The following PRKCE variants were observed in gnomAD, a reference collection of about 807,000 sequenced individuals.
PRKCE encodes the protein protein kinase C epsilon, also known as protein kinase C epsilon type.
In PRKCE, 16 loss-of-function variants were observed where a neutral mutation model predicts 85.4. The observed-to-expected ratio is 0.19, with a 90% CI of 0.13 to 0.28. The LOEUF (loss-of-function observed/expected upper bound fraction) is 0.28, where lower values mean the gene tolerates loss of function less well. Ranked by LOEUF, PRKCE falls within the 10% of genes least tolerant of loss-of-function variation. The pLI is 1.00. For missense variants in PRKCE, 573 were observed against 975.2 expected, an observed-to-expected ratio of 0.59 and a Z score of 5.49; for synonymous variants, 388 against 371.5, an observed-to-expected ratio of 1.04 and a Z score of -0.51.
chr2:45,824,678 G>A (rs1205220951), intron 1 of PRKCE, among the ~76,000 whole-genome samples: 1 of 151,680 alleles, frequency 6.6e-6, no homozygotes, highest in Admixed American at 6.6e-5. Flanking sequence ...AAATAGAGCA[G>A]AATAATGGAC....
chr2:45,950,939 C>G (rs950226033), intron 2 of PRKCE, among the ~76,000 whole-genome samples: 18 of 152,172 alleles, frequency 1.2e-4, no homozygotes, highest in Admixed American at 1.2e-3. Context: ...TCTCTGCCCA[C>G]TTGGTGGCTC....
At chr2:45,838,906 A>T (rs1423014918) in intron 1 of PRKCE, among the ~76,000 whole-genome samples, 23 of 152,196 alleles carry the variant, frequency 1.5e-4, no homozygotes, top group Admixed American at 1.5e-3. Context: ...TAAGAAGCAG[A>T]AGACTTGCCT....
intron 1 of PRKCE, among the ~76,000 whole-genome samples, chr2:45,673,459 A>G (rs929134849): frequency 6.6e-6 from 1 of 152,310 alleles, no homozygotes; most frequent in East Asian, 1.9e-4. Context: ...TGATTGTTCA[A>G]CACACATTTA....
chr2:45,944,328 T>A (rs1185507971), intron 2 of PRKCE, among the ~76,000 whole-genome samples: 2 of 152,206 alleles, frequency 1.3e-5, no homozygotes, highest in Admixed American at 1.3e-4. Context: ...GCATTCCTTA[T>A]GCATGAGCTC....
chr2:45,874,927 T>C (rs543669332), intron 2 of PRKCE, among the ~76,000 whole-genome samples: 1 of 152,296 alleles, frequency 6.6e-6, no homozygotes, highest in Admixed American at 6.5e-5. Context: ...CTATTTGGCC[T>C]ACATTCCAAT....
intron 10 of PRKCE, among the ~76,000 whole-genome samples, chr2:46,061,827 T>TCTTTTCTTTTCTTTG: frequency 9.1e-6 from 1 of 109,788 alleles, no homozygotes; most frequent in Non-Finnish European, 1.8e-5. Context: ...GTTAAGTATT[T>TCTTTTCTTTTCTTTG]CTTTTCTTTT....
chr2:46,166,860 A>G (rs778582279), intron 14 of PRKCE: 1 of 152,180 alleles, frequency 6.6e-6, no homozygotes, highest in Non-Finnish European at 1.5e-5. Context: ...GCGTGGTGGC[A>G]TGCACTTGTA....
At chr2:46,167,254 C>T (rs2104628894) in intron 14 of PRKCE, among the ~76,000 whole-genome samples, 1 of 152,294 alleles carries the variant, frequency 6.6e-6, no homozygotes. Flanking sequence ...CTCTGAGCCT[C>T]GGTCTGCTGA....
intron 2 of PRKCE, among the ~76,000 whole-genome samples, chr2:45,909,907 A>G (rs1697253696): frequency 6.6e-6 from 1 of 152,192 alleles, no homozygotes; most frequent in Admixed American, 6.5e-5. Context: ...CTAGTTCCAC[A>G]TGCTGCTTGG....
chr2:45,719,396 A>G (rs945098050), intron 1 of PRKCE, among the ~76,000 whole-genome samples: 40 of 152,162 alleles, frequency 2.6e-4, no homozygotes, highest in African/African-American at 9.2e-4. Flanking sequence ...TATTCCCCCA[A>G]TGGGAATATC....
chr2:45,758,202 C>T (rs1479818912), intron 1 of PRKCE, among the ~76,000 whole-genome samples: 1 of 152,182 alleles, frequency 6.6e-6, no homozygotes, highest in African/African-American at 2.4e-5. Context: ...GACCTAAGTT[C>T]CCTGTGCCTT....
chr2:46,041,686 G>GT lies in PRKCE; in HGVS notation c.1437+31170dup, dbSNP rs78461843. Among the ~76,000 whole-genome samples the GT allele has an allele frequency of 9.2e-5, 14 of 152,324 alleles. No individual in the cohort carries two copies. The East Asian group carries it at 2.7e-3, about 29-fold the overall frequency. On this transcript the variant is annotated intron_variant, in intron 10 of 14. Transcript: ENST00000306156. This position sits in a 1 kb window ranked among gnomAD's most constrained non-coding sequence, Gnocchi z 5.5. ...TTGGAATGAACAACATAGTACTGAAGTGTTTCCTTGTGAATACCTCTCCAT... is the reference window on the plus strand; with the variant it reads ...TTGGAATGAACAACATAGTACTGAAGTTGTTTCCTTGTGAATACCTCTCCAT...
chr2:46,030,105 A>G (rs1270067588), intron 10 of PRKCE, among the ~76,000 whole-genome samples: 3 of 151,866 alleles, frequency 2.0e-5, no homozygotes, highest in African/African-American at 4.8e-5. Flanking sequence ...TGAGCTGATC[A>G]CTCCCTGAGA....
At chr2:46,059,332 A>G (rs1033030859) in intron 10 of PRKCE, among the ~76,000 whole-genome samples, 2 of 152,192 alleles carry the variant, frequency 1.3e-5, no homozygotes, top group African/African-American at 4.8e-5. Flanking sequence ...AATAGTATTA[A>G]TGCCTATTTA....
chr2:45,660,312 T>C (rs1675580139), intron 1 of PRKCE, among the ~76,000 whole-genome samples: 1 of 152,110 alleles, frequency 6.6e-6, no homozygotes, highest in Admixed American at 6.6e-5. Flanking sequence ...ATCTATGAGA[T>C]CCCTGAAGAT....
At chr2:46,114,692 T>C (rs905527747) in intron 11 of PRKCE, among the ~76,000 whole-genome samples, 1 of 150,272 alleles carries the variant, frequency 6.7e-6, no homozygotes, top group Non-Finnish European at 1.5e-5. Context: ...GTGCTGAGAT[T>C]ACAGGCATGA....
At chr2:46,152,010 C>T (rs920033226) in intron 13 of PRKCE, among the ~76,000 whole-genome samples, 2 of 152,220 alleles carry the variant, frequency 1.3e-5, no homozygotes, top group African/African-American at 4.8e-5. Flanking sequence ...ACCCAGGGAC[C>T]ATGACTTCTA....
Position 45,893,353 on chromosome 2 carries a change from C to CTTT in PRKCE, c.412+50304_412+50306dup, listed in dbSNP as rs61708342. Among the ~76,000 whole-genome samples the CTTT allele has an allele frequency of 2.9e-5, 4 of 136,408 alleles. 2 individuals carry two copies. The highest frequency in any genetic ancestry group is 6.2e-5 in the Non-Finnish European group (4 of 64,458). The allele number at this position is 136,408 out of a possible 152,430, so 89.5% of individuals were successfully genotyped here. A position where few individuals can be genotyped will look rare whatever the true frequency, so the allele number is the denominator to read the frequency against. ...TGGCTCATGTCTTTTCTTTTCTTTT[C>CTTT]TTTTTTTTTTTTTTTTGAGATGAGG... On this transcript the variant is annotated intron_variant, in intron 2 of 14. Coordinates refer to ENST00000306156, the MANE Select transcript of PRKCE (RefSeq NM_005400.3).
rs376291552 is a variant in PRKCE, at chr2:46,146,681, A to G, written c.1731+1450A>G. 8.5e-5 allele frequency among the ~76,000 whole-genome samples: 13 copies of G among 152,350 alleles called. No homozygotes were observed. In the East Asian group the frequency reaches 2.1e-3, roughly 25 times the overall value. On this transcript the variant is annotated intron_variant, in intron 12 of 14. Transcript: ENST00000306156. ...CCTGGGCCCTGGATCCTTTGAGGGC[A>G]GGGTCTGTGTTTCTAATCTGGGTAC...
Sources: allele counts gnomAD v4.1 joint callset (sites outside exome capture counted in the v4.1 genomes callset), GRCh38; gene constraint gnomAD v4.1.1; non-coding constraint Gnocchi (gnomAD v3.1); transcripts MANE v1.5; gene names NCBI Gene and HGNC (gene_info 2026-07-23, HGNC 2026-07-21).